The following DENND4C variants were observed in gnomAD, a reference collection of about 807,000 sequenced individuals.
DENND4C encodes the protein DENN domain-containing protein 4C.
Under a neutral mutation model 203.0 loss-of-function variants are expected in DENND4C, and 108 were observed. The observed-to-expected ratio is 0.53, with a 90% CI of 0.46 to 0.62. DENND4C has a LOEUF of 0.62. Ranked by LOEUF, DENND4C falls within the 20% of genes least tolerant of loss-of-function variation. The probability of loss-of-function intolerance (pLI) is 0.00; values close to 1 mark genes in which losing one functional copy is unlikely to be tolerated. For synonymous variants in DENND4C, 871 were observed against 792.4 expected (o/e 1.10, Z -1.67); for missense variants, 2,481 against 2,301.2 (o/e 1.08, Z -1.60).
chr9:19,352,018 T>A, intron 24 of DENND4C, 55 bp from the exon 25 acceptor site: 1 of 1,483,930 alleles, frequency 6.7e-7, no homozygotes, highest in Non-Finnish European at 9.4e-7. Context: ...GCATGCATTT[T>A]CAAAAAACAA....
chr9:19,299,100 A>G (rs1838034759), intron 7 of DENND4C, 129 bp from the exon 8 acceptor site: 4 of 634,596 alleles, frequency 6.3e-6, no homozygotes, highest in Admixed American at 3.9e-5. Flanking sequence ...GTGTGTTTGC[A>G]TATTAAATTA....
At chr9:19,299,631 A>G (rs1432953311) in intron 8 of DENND4C, among the ~76,000 whole-genome samples, 1 of 152,118 alleles carries the variant, frequency 6.6e-6, no homozygotes, top group Non-Finnish European at 1.5e-5. Context: ...ACTTCTTTTC[A>G]TCTGCATCAT....
chr9:19,231,729 G>C (rs2131298738), intron 1 of DENND4C, among the ~76,000 whole-genome samples: 1 of 152,070 alleles, frequency 6.6e-6, no homozygotes, highest in East Asian at 1.9e-4. Context: ...TTGAGGGAAA[G>C]TGTCATTTCC....
intron 22 of DENND4C, among the ~76,000 whole-genome samples, chr9:19,345,072 AT>A (rs1327633019): frequency 6.6e-6 from 1 of 152,184 alleles, no homozygotes; most frequent in Non-Finnish European, 1.5e-5. Context: ...GAGGGTTAGG[AT>A]TTTAGCATGT....
chr9:19,233,561 CT>C (rs11438629), intron 1 of DENND4C, among the ~76,000 whole-genome samples: 1,654 of 131,224 alleles, frequency 0.013, 19 homozygotes, highest in African/African-American at 0.043. Context: ...TATTTGAAAC[CT>C]TTTTTTTTTT....
At chr9:19,252,406 G>A (rs1055149344) in intron 1 of DENND4C, among the ~76,000 whole-genome samples, 16 of 151,914 alleles carry the variant, frequency 1.1e-4, no homozygotes, top group Non-Finnish European at 2.4e-4. Context: ...CAGCCAAACC[G>A]TATCATCTAC....
At chr9:19,289,498 C>T (rs1000977878) in intron 4 of DENND4C, among the ~76,000 whole-genome samples, 12 of 152,210 alleles carry the variant, frequency 7.9e-5, no homozygotes, top group Admixed American at 1.3e-4. Flanking sequence ...AAAATAATGG[C>T]AACGACTAAC....
At chr9:19,270,890 A>G (rs1407256367) in intron 1 of DENND4C, among the ~76,000 whole-genome samples, 1 of 152,240 alleles carries the variant, frequency 6.6e-6, no homozygotes, top group Non-Finnish European at 1.5e-5. Flanking sequence ...GGATTGCATT[A>G]TATGAGATCA....
intron 9 of DENND4C, among the ~76,000 whole-genome samples, chr9:19,304,042 C>CT (rs200700166): frequency 1.2e-4 from 16 of 137,412 alleles, no homozygotes; most frequent in South Asian, 2.2e-4. Context: ...CAAAACCTGT[C>CT]TTTTTTAAAA....
Position 19,276,239 on chromosome 9 carries a change from C to G in DENND4C, c.65C>G (p.Ser22Cys). The G allele has an allele frequency of 2.4e-6, 3 of 1,232,072 alleles. No individual in the cohort carries two copies. Among genetic ancestry groups the G allele is most frequent in the Non-Finnish European group, 3.0e-6 (3 of 987,896 alleles). 76.3% of individuals were successfully genotyped at this position (1,232,072 alleles called of 1,614,324 possible). The change falls in exon 2 of 33, where the codon TCT becomes TGT. Residue 22 changes from serine to cysteine, a missense_variant. Physicochemically the swap from Ser to Cys is moderately radical, Grantham distance 112. Coordinates refer to ENST00000434457, the MANE Select transcript of DENND4C (RefSeq NM_001330640.2). ...YFVVAGLTDT[S>C]TLLDQEINRL... The stretch of plus-strand genomic sequence containing the variant: ...GTCGTAGCTGGTCTCACTGACACAT[C>G]TACTCTTTTGGATCAAGAAATAAAT...
intron 2 of DENND4C, among the ~76,000 whole-genome samples, chr9:19,278,994 G>A (rs1651169584): frequency 6.6e-6 from 1 of 152,124 alleles, no homozygotes; most frequent in African/African-American, 2.4e-5. Flanking sequence ...CAGAAACTTA[G>A]GCACTATTCC....
intron 6 of DENND4C, among the ~76,000 whole-genome samples, chr9:19,296,448 T>G (rs531668620): frequency 6.7e-6 from 1 of 149,168 alleles, no homozygotes; most frequent in South Asian, 2.2e-4. Context: ...CACTGCAACC[T>G]CCACCTCCTG....
intron 1 of DENND4C, among the ~76,000 whole-genome samples, chr9:19,270,031 C>T (rs981393608): frequency 6.6e-6 from 1 of 152,136 alleles, no homozygotes; most frequent in Admixed American, 6.5e-5. Context: ...AGCTGTATGG[C>T]CTTAGTGGTC....
At position 19,256,478 on chromosome 9, in the gene DENND4C, G is replaced by A. The variant is rs540877058; in HGVS notation, c.-17-19680G>A. On this transcript the variant is annotated intron_variant, in intron 1 of 32. Transcript: ENST00000434457. The stretch of plus-strand genomic sequence containing the variant: ...ATTACAGGCATGCGCCACCACACCC[G>A]GCTAATTTTGTACTTTTAGAAGAGA... 1.5e-4 allele frequency among the ~76,000 whole-genome samples: 23 copies of A among 151,344 alleles called. 1 individual carries two copies. In the South Asian group the frequency reaches 2.7e-3, roughly 18 times the overall value.
chr9:19,337,787 T>C, intron 20 of DENND4C: 1 of 477,836 alleles, frequency 2.1e-6, no homozygotes, highest in East Asian at 7.6e-5. Flanking sequence ...TCTTGCCTTT[T>C]CTCCTTCAGA....
At chr9:19,327,587 C>A (rs1226151764) in intron 15 of DENND4C, among the ~76,000 whole-genome samples, 2 of 151,822 alleles carry the variant, frequency 1.3e-5, no homozygotes, top group African/African-American at 4.8e-5. Context: ...TAATGTCCAG[C>A]AGTGAAAAAC....
chr9:19,325,047 T>C (rs1007576009), intron 13 of DENND4C, among the ~76,000 whole-genome samples: 1 of 152,152 alleles, frequency 6.6e-6, no homozygotes, highest in African/African-American at 2.4e-5. Flanking sequence ...CTCACTTTCG[T>C]TTTACAACTA....
intron 10 of DENND4C, among the ~76,000 whole-genome samples, chr9:19,307,663 G>A (rs1175872534): frequency 2.0e-5 from 3 of 151,290 alleles, no homozygotes; most frequent in African/African-American, 7.3e-5. Context: ...CCAACTACTC[G>A]GGAGTCTGAG....
Position 19,290,871 on chromosome 9 carries a change from A to T in DENND4C, c.796A>T (p.Lys266Ter). 1 of 1,612,602 alleles carries T rather than the reference A, an allele frequency of 6.2e-7. No homozygotes were observed. Among genetic ancestry groups the T allele is most frequent in the Non-Finnish European group, 8.5e-7 (1 of 1,179,256 alleles). The change falls in exon 5 of 33, where the codon AAA (lysine) becomes TAA (stop). Residue 266 changes from lysine (K) to a stop codon, truncating the protein, a stop_gained. Transcript: ENST00000434457. LOFTEE classifies it high-confidence loss of function. ...STFVLTGSSA[K>*]KVYGAAIQFY... Reference sequence around the variant, plus strand: ...TTTTGTCTTGACAGGTTCTTCAGCCAAAAAGGTATGTTTTTGTCTCATTGA... The same window carrying T: ...TTTTGTCTTGACAGGTTCTTCAGCCTAAAAGGTATGTTTTTGTCTCATTGA...
Sources: allele counts gnomAD v4.1 joint callset (sites outside exome capture counted in the v4.1 genomes callset), GRCh38; gene constraint gnomAD v4.1.1; transcripts MANE v1.5; gene names NCBI Gene and HGNC (gene_info 2026-07-23, HGNC 2026-07-21).